USB1: variants seen among roughly 807,000 people sequenced by gnomAD.
The protein encoded by USB1 is U6 snRNA phosphodiesterase 1.
USB1 carries 21 observed loss-of-function variants against 29.9 expected under a neutral mutation model. The observed-to-expected ratio is 0.70, with a 90% CI of 0.50 to 1.01. The LOEUF is 1.01. Ranked by LOEUF, USB1 falls within the 50% of genes least tolerant of loss-of-function variation. The probability of loss-of-function intolerance (pLI) is 0.00; values close to 1 mark genes in which losing one functional copy is unlikely to be tolerated. For missense variants in USB1, 330 were observed against 347.1 expected (o/e 0.95, Z 0.39); for synonymous variants, 143 against 134.9 (o/e 1.06, Z -0.42).
intron 1 of USB1, among the ~76,000 whole-genome samples, chr16:58,001,826 C>G (rs527911556): frequency 6.6e-6 from 1 of 151,944 alleles, no homozygotes; most frequent in Non-Finnish European, 1.5e-5. Flanking sequence ...GGTCCAGCCT[C>G]GCGCTGGCCC....
At chr16:58,009,189 G>A (rs573720671) in intron 2 of USB1, among the ~76,000 whole-genome samples, 3 of 152,258 alleles carry the variant, frequency 2.0e-5, no homozygotes, top group Non-Finnish European at 4.4e-5. Flanking sequence ...AGGTGGTGGG[G>A]GACAAGAATC....
Position 58,013,664 on chromosome 16 carries a change from G to A in USB1, c.450-609G>A. ...CAACAGACCTATTCCCCTCACGAAAGCGTCATAGGTGACAACAAGGACTCT... is the reference window on the plus strand; with the variant it reads ...CAACAGACCTATTCCCCTCACGAAAACGTCATAGGTGACAACAAGGACTCT... On this transcript the variant is annotated intron_variant, in intron 3 of 6. Transcript: ENST00000219281. The surrounding 1 kb of genome is among the most constrained non-coding windows in gnomAD (Gnocchi z 4.3). The A allele has an allele frequency of 1.0e-6, 1 of 982,058 alleles. No homozygotes were observed. 60.8% of individuals were successfully genotyped at this position (982,058 alleles called of 1,614,324 possible). A position where few individuals can be genotyped will look rare whatever the true frequency, so the allele number is the denominator to read the frequency against.
chr16:58,011,274 A>G (rs1963489657), intron 3 of USB1: 3 of 1,442,612 alleles, frequency 2.1e-6, no homozygotes, highest in Non-Finnish European at 2.7e-6. Flanking sequence ...TAATGGTGGG[A>G]GCTACCTCAC....
chr16:58,011,352 A>G (rs1432767898), intron 3 of USB1: 2 of 1,279,850 alleles, frequency 1.6e-6, no homozygotes, highest in East Asian at 3.1e-5. Context: ...AAGGGTTAGT[A>G]CCAGACCCCA....
chr16:58,000,903 G>T (rs377452763), upstream of USB1, among the ~76,000 whole-genome samples: 1 of 151,464 alleles, frequency 6.6e-6, no homozygotes, highest in Non-Finnish European at 1.5e-5. This position sits in a 1 kb window ranked among gnomAD's most constrained non-coding sequence, Gnocchi z 4.5. Context: ...CGGCCACCCC[G>T]CTCGGGCTTA....
In USB1 at chr16:58,014,455, G is replaced by A. The variant is rs60913773; in HGVS notation, c.503+129G>A. 714 of 787,490 alleles carry A rather than the reference G, an allele frequency of 9.1e-4. 4 individuals are homozygous for A. The African/African-American group carries it at 0.011, about 12-fold the overall frequency. The allele number at this position is 787,490 out of a possible 1,614,324, so 48.8% of individuals were successfully genotyped here. A position where few individuals can be genotyped will look rare whatever the true frequency, so the allele number is the denominator to read the frequency against. ...AACCAACTCTATGACTATAAAGGCA[G>A]CTATCCCCAAATCTGAACCTTTCTT... is the stretch of plus-strand genomic sequence containing the variant. On this transcript the variant is annotated intron_variant, in intron 4 of 6. Coordinates refer to ENST00000219281, the MANE Select transcript of USB1 (RefSeq NM_024598.4).
At position 58,013,735 on chromosome 16, in the gene USB1, G is replaced by A; in HGVS notation, c.450-538G>A. On this transcript the variant is annotated intron_variant, in intron 3 of 6. Coordinates refer to ENST00000219281, the MANE Select transcript of USB1 (RefSeq NM_024598.4). The surrounding 1 kb of genome is among the most constrained non-coding windows in gnomAD (Gnocchi z 4.3). ...TTCCAATCCTGGCTCACCAAATTCAGCTTCACCATGCCTCTGTTTCTTTGT... is the reference window on the plus strand; with the variant it reads ...TTCCAATCCTGGCTCACCAAATTCAACTTCACCATGCCTCTGTTTCTTTGT... 2 of 505,454 alleles carry A rather than the reference G, an allele frequency of 4.0e-6. No homozygotes were observed. Among genetic ancestry groups the A allele is most frequent in the Non-Finnish European group, 5.1e-6 (2 of 389,120 alleles). 31.3% of individuals were successfully genotyped at this position (505,454 alleles called of 1,614,324 possible). A position where few individuals can be genotyped will look rare whatever the true frequency, so the allele number is the denominator to read the frequency against.
At position 58,012,672 on chromosome 16, in the gene USB1, G is replaced by A. The variant is rs145819484; in HGVS notation, c.450-1601G>A. On this transcript the variant is annotated intron_variant, in intron 3 of 6. Transcript: ENST00000219281. ...TTTCTTTGGGAGTAAAGAGTTAACAGGCCCTTCCCCCTTCCACAGAGAGTG... is the reference window on the plus strand; with the variant it reads ...TTTCTTTGGGAGTAAAGAGTTAACAAGCCCTTCCCCCTTCCACAGAGAGTG... The A allele has an allele frequency of 2.2e-4, 267 of 1,202,030 alleles. No homozygotes were observed. The East Asian group carries it at 8.7e-3, about 39-fold the overall frequency. 74.5% of individuals were successfully genotyped at this position (1,202,030 alleles called of 1,614,324 possible). A position where few individuals can be genotyped will look rare whatever the true frequency, so the allele number is the denominator to read the frequency against.
rs1364680762 is a variant in USB1, at chr16:58,010,112, G to C, written c.449G>C (p.Arg150Thr). 1 of 1,613,802 alleles carries C rather than the reference G, an allele frequency of 6.2e-7. No homozygotes were observed. Among genetic ancestry groups the C allele is most frequent in the African/African-American group, 1.3e-5 (1 of 74,848 alleles). ...AAAGCCCGTATGACCTCCTTCCACAGGTGAGTGCTTCTTCCCTCTGCCTCT... is the reference window on the plus strand; with the variant it reads ...AAAGCCCGTATGACCTCCTTCCACACGTGAGTGCTTCTTCCCTCTGCCTCT... Reference protein sequence around the residue: ...ALKARMTSFHRFFFTANQVKI... With the variant: ...ALKARMTSFHTFFFTANQVKI... The change falls in exon 3 of 7, where the codon AGA becomes ACA. Residue 150 changes from arginine to threonine, a missense_variant and splice_region_variant. Coordinates refer to ENST00000219281, the MANE Select transcript of USB1 (RefSeq NM_024598.4).
At position 58,020,484 on chromosome 16, in the gene USB1, C is replaced by T; in HGVS notation, c.*239C>T. 1 of 561,664 alleles carries T rather than the reference C, an allele frequency of 1.8e-6. No homozygotes were observed. The highest frequency in any genetic ancestry group is 3.2e-6 in the Non-Finnish European group (1 of 313,222). The allele number at this position is 561,664 out of a possible 1,614,324, so 34.8% of individuals were successfully genotyped here. ...TTCTCTCCTCTGTCTCTCTTCCTCT[C>T]CTCTCTTCCTCTCTTCTCTCTTCCT... On this transcript the variant is annotated 3_prime_UTR_variant, in exon 7 of 7. Coordinates refer to ENST00000219281, the MANE Select transcript of USB1 (RefSeq NM_024598.4).
At chr16:58,012,460 C>T (rs1963517317) in intron 3 of USB1, 1 of 1,170,266 alleles carries the variant, frequency 8.5e-7, no homozygotes, top group African/African-American at 1.5e-5. Flanking sequence ...TCAGATGGCA[C>T]CTGACTGTCA....
chr16:58,018,052 C>T (rs976407282), intron 5 of USB1, among the ~76,000 whole-genome samples: 1 of 152,084 alleles, frequency 6.6e-6, no homozygotes, highest in African/African-American at 2.4e-5. Flanking sequence ...TTTCATGTCA[C>T]AGATGTAATG....
chr16:58,015,072 C>CTT (rs1319845092), intron 4 of USB1: 1 of 150,098 alleles, frequency 6.7e-6, no homozygotes, highest in South Asian at 2.1e-4. Context: ...GAGTGAAACT[C>CTT]TGTCTCAAAA....
intron 4 of USB1, 60 bp from the exon 5 acceptor site, chr16:58,017,274 C>A: frequency 1.3e-6 from 2 of 1,506,332 alleles, no homozygotes; most frequent in Non-Finnish European, 1.8e-6. Context: ...TGCTCGGCTG[C>A]GCAGATGGCT....
chr16:58,011,353 C>A, intron 3 of USB1: 12 of 1,280,284 alleles, frequency 9.4e-6, no homozygotes, highest in Non-Finnish European at 1.1e-5. Flanking sequence ...AGGGTTAGTA[C>A]CAGACCCCAC....
chr16:58,005,670 A>G (rs1270794810), intron 2 of USB1, among the ~76,000 whole-genome samples: 1 of 152,126 alleles, frequency 6.6e-6, no homozygotes, highest in Non-Finnish European at 1.5e-5. Flanking sequence ...TTGTTGTTTT[A>G]TATATTTTAT....
In USB1 at chr16:58,020,586, T is replaced by TCTCCTCTCTCTACCC; in HGVS notation, c.*347_*361dup. On this transcript the variant is annotated 3_prime_UTR_variant, in exon 7 of 7. Coordinates refer to ENST00000219281, the MANE Select transcript of USB1 (RefSeq NM_024598.4). ...CCTCTCTTCCTCTCCTCTCTCTTCC[T>TCTCCTCTCTCTACCC]CTCCTCTCTCTACCCCTCCTGTCTC... The TCTCCTCTCTCTACCC allele has an allele frequency of 2.8e-6, 1 of 358,336 alleles. No individual in the cohort carries two copies. Among genetic ancestry groups the TCTCCTCTCTCTACCC allele is most frequent in the South Asian group, 2.3e-5 (1 of 43,442 alleles). The allele number at this position is 358,336 out of a possible 1,614,324, so 22.2% of individuals were successfully genotyped here.
intron 4 of USB1, chr16:58,016,534 G>C (rs1356480868): frequency 6.5e-6 from 1 of 154,578 alleles, no homozygotes; most frequent in African/African-American, 2.4e-5. Flanking sequence ...AGAAGATCCA[G>C]TGATCTTCAC....
At chr16:58,005,068 G>A (rs1963319523) in intron 2 of USB1, among the ~76,000 whole-genome samples, 1 of 152,152 alleles carries the variant, frequency 6.6e-6, no homozygotes, top group Non-Finnish European at 1.5e-5. Flanking sequence ...AGAGAGGACA[G>A]CTTACACCAT....
Sources: gnomAD v4.1 joint callset for allele counts (sites outside exome capture counted in the v4.1 genomes callset) on GRCh38, gnomAD v4.1.1 for gene constraint, Gnocchi (gnomAD v3.1) non-coding constraint, MANE v1.5 for transcripts, NCBI Gene and HGNC (gene_info 2026-07-23, HGNC 2026-07-21) for gene names.